The following ADARB2 variants were observed in gnomAD, a reference collection of about 807,000 sequenced individuals.
The protein encoded by ADARB2 is inactive double-stranded RNA-specific editase B2.
Under a neutral mutation model 62.2 loss-of-function variants are expected in ADARB2, and 25 were observed. That is an observed-to-expected ratio of 0.40 (90% CI 0.29 to 0.56). ADARB2 has a LOEUF of 0.56. Among genes scored for constraint, ADARB2 ranks in the 20% least tolerant of loss-of-function variants. ADARB2 has a pLI of 0.43. For missense variants in ADARB2, 1,071 were observed against 1,077.4 expected (o/e 0.99, Z 0.08); for synonymous variants, 572 against 500.8 (o/e 1.14, Z -1.90).
Position 1,693,015 on chromosome 10 carries a change from G to A in ADARB2, c.100+44036C>T, listed in dbSNP as rs79661373. Among the ~76,000 whole-genome samples, 10 of 152,192 alleles carry A rather than the reference G, an allele frequency of 6.6e-5. No homozygotes were observed. The East Asian group carries it at 1.9e-3, about 29-fold the overall frequency. ...CCTCCAGGTGCTAGTCCTGAAGCCT[G>A]GAGTTTTTGGAAGTCTCTTCCCTCT... is the stretch of plus-strand genomic sequence containing the variant. On this transcript the variant is annotated intron_variant, in intron 1 of 9. Transcript: ENST00000381312.
At chr10:1,600,215 T>A (rs1396818236) in intron 1 of ADARB2, among the ~76,000 whole-genome samples, 1 of 152,024 alleles carries the variant, frequency 6.6e-6, no homozygotes, top group Non-Finnish European at 1.5e-5. Flanking sequence ...CAGCCTCAGA[T>A]GGGCCCATTA....
Position 1,277,867 on chromosome 10 carries a change from C to G in ADARB2, c.1078-6798G>C, listed in dbSNP as rs1473552218. ...GCAGAAATCCTCAATAAAATACTGG[C>G]AAACCGAATCCACCAGCACATCAAG... On this transcript the variant is annotated intron_variant, in intron 3 of 9. Transcript: ENST00000381312. Among the ~76,000 whole-genome samples the G allele has an allele frequency of 3.3e-5, 5 of 152,214 alleles. No homozygotes were observed. In the South Asian group the frequency reaches 8.3e-4, roughly 25 times the overall value.
rs566327406 is a variant in ADARB2 at position 1,516,867 on chromosome 10, T to C, written c.101-137707A>G. Among the ~76,000 whole-genome samples, 4 of 152,324 alleles carry C rather than the reference T, an allele frequency of 2.6e-5. No homozygotes were observed. In the East Asian group the frequency reaches 5.8e-4, roughly 22 times the overall value. On this transcript the variant is annotated intron_variant, in intron 1 of 9. Transcript: ENST00000381312. ...CTCAGGCAATGACAGCGCATGGAAGTTGGCTGGGTAGTTTATTCTAGACAC... is the reference window on the plus strand; with the variant it reads ...CTCAGGCAATGACAGCGCATGGAAGCTGGCTGGGTAGTTTATTCTAGACAC...
At position 1,313,152 on chromosome 10, in the gene ADARB2, G is replaced by A. The variant is rs1003279197; in HGVS notation, c.1078-42083C>T. Among the ~76,000 whole-genome samples, 8 of 152,300 alleles carry A rather than the reference G, an allele frequency of 5.3e-5. 1 individual carries two copies. In the South Asian group the frequency reaches 1.2e-3, roughly 24 times the overall value. On this transcript the variant is annotated intron_variant, in intron 3 of 9. Coordinates refer to ENST00000381312, the MANE Select transcript of ADARB2 (RefSeq NM_018702.4). ...CCGTGGAGTGGGGTGGGAGTGCCCAGGTGAGTCCAGGGTCTCAGGGTCTTA... is the reference window on the plus strand; with the variant it reads ...CCGTGGAGTGGGGTGGGAGTGCCCAAGTGAGTCCAGGGTCTCAGGGTCTTA...
intron 1 of ADARB2, among the ~76,000 whole-genome samples, chr10:1,702,412 G>C (rs984132714): frequency 6.6e-6 from 1 of 152,210 alleles, no homozygotes; most frequent in Non-Finnish European, 1.5e-5. Context: ...TGAAGGAAGA[G>C]GGTGAGGGTC....
intron 1 of ADARB2, among the ~76,000 whole-genome samples, chr10:1,682,824 C>G (rs1013215167): frequency 6.6e-6 from 1 of 152,200 alleles, no homozygotes; most frequent in East Asian, 1.9e-4. Context: ...GTATGTAATG[C>G]AGACGGCCAG....
At chr10:1,649,939 G>T (rs1834089283) in intron 1 of ADARB2, among the ~76,000 whole-genome samples, 1 of 152,224 alleles carries the variant, frequency 6.6e-6, no homozygotes, top group Admixed American at 6.5e-5. Context: ...GAGGAGCGAT[G>T]ATTACACAAA....
intron 1 of ADARB2, among the ~76,000 whole-genome samples, chr10:1,706,180 G>A (rs1302305332): frequency 6.6e-6 from 1 of 152,192 alleles, no homozygotes; most frequent in African/African-American, 2.4e-5. Flanking sequence ...AAACGCTAGT[G>A]TTTTCGCTCC....
intron 8 of ADARB2, among the ~76,000 whole-genome samples, chr10:1,191,169 C>T (rs1318321671): frequency 1.3e-5 from 2 of 152,240 alleles, no homozygotes; most frequent in Non-Finnish European, 2.9e-5. Context: ...CAGGTGGCAG[C>T]TCATGGGCTA....
intron 3 of ADARB2, among the ~76,000 whole-genome samples, chr10:1,314,463 C>A (rs1442866039): frequency 2.0e-5 from 3 of 151,978 alleles, no homozygotes; most frequent in Admixed American, 1.3e-4. Flanking sequence ...TCCTCCTCCT[C>A]CTCCTGGTCC....
chr10:1,412,629 A>T lies in ADARB2; in HGVS notation c.101-33469T>A, dbSNP rs1192782640. The stretch of plus-strand genomic sequence containing the variant: ...GGGCCGGACCGCGTTTCAGGTAATC[A>T]ACTCAGGAGCAACTGAAGGCTTCCG... On this transcript the variant is annotated intron_variant, in intron 1 of 9. Transcript: ENST00000381312. Among the ~76,000 whole-genome samples, 14 of 152,118 alleles carry T rather than the reference A, an allele frequency of 9.2e-5. 1 individual carries two copies. The highest frequency in any genetic ancestry group is 9.2e-4 in the Admixed American group (14 of 15,276).
At position 1,382,779 on chromosome 10, in the gene ADARB2, C is replaced by T. The variant is rs187737320; in HGVS notation, c.101-3619G>A. 3.6e-4 allele frequency among the ~76,000 whole-genome samples: 54 copies of T among 151,698 alleles called. No homozygotes were observed. The East Asian group carries it at 7.4e-3, about 21-fold the overall frequency. ...AGAAGCTGCATCACAGGGCTCCCCA[C>T]GCTACCGCCGCCTCCCCACCCTCTG... On this transcript the variant is annotated intron_variant, in intron 1 of 9. Transcript: ENST00000381312.
chr10:1,698,300 GCC>G lies in ADARB2; in HGVS notation c.100+38749_100+38750del, dbSNP rs1341048960. ...TAGCAGGTGCGGGACACGGAACATT[GCC>G]ACCCGTGGAATGAGGAATAGAGCTT... On this transcript the variant is annotated intron_variant, in intron 1 of 9. Transcript: ENST00000381312. 4.6e-5 allele frequency among the ~76,000 whole-genome samples: 7 copies of G among 152,280 alleles called. No individual in the cohort carries two copies. The East Asian group carries it at 1.4e-3, about 29-fold the overall frequency.
In ADARB2 at chr10:1,180,713, C is replaced by G. The variant is rs1836662022; in HGVS notation, c.*2480G>C. On this transcript the variant is annotated 3_prime_UTR_variant, in exon 10 of 10. Transcript: ENST00000381312. The stretch of plus-strand genomic sequence containing the variant: ...TCTGACAGATCCCTCCACGGAAAGG[C>G]TCCGGCACCTCAACCTCACTCTGGC... 1 of 152,474 alleles carries G rather than the reference C, an allele frequency of 6.6e-6. No individual in the cohort carries two copies. The highest frequency in any genetic ancestry group is 6.5e-5 in the Admixed American group (1 of 15,290). The allele number at this position is 152,474 out of a possible 1,614,324, so 9.4% of individuals were successfully genotyped here. A position where few individuals can be genotyped will look rare whatever the true frequency, so the allele number is the denominator to read the frequency against.
intron 3 of ADARB2, among the ~76,000 whole-genome samples, chr10:1,342,150 G>A (rs1348101700): frequency 6.6e-6 from 1 of 152,210 alleles, no homozygotes; most frequent in East Asian, 1.9e-4. Flanking sequence ...CTCAAAGATG[G>A]GCAGTTACAG....
intron 1 of ADARB2, among the ~76,000 whole-genome samples, chr10:1,625,114 A>G (rs543947580): frequency 7.9e-5 from 12 of 152,298 alleles, no homozygotes; most frequent in African/African-American, 2.9e-4. Flanking sequence ...CACCTCCACA[A>G]GTTGTTCAGA....
intron 4 of ADARB2, among the ~76,000 whole-genome samples, chr10:1,258,951 C>T (rs1488130437): frequency 1.3e-5 from 2 of 152,348 alleles, no homozygotes; most frequent in Middle Eastern, 3.4e-3. Context: ...CAAACTGTCT[C>T]TGAGACCACA....
chr10:1,256,622 G>A (rs1564237536), intron 4 of ADARB2, among the ~76,000 whole-genome samples: 1 of 152,188 alleles, frequency 6.6e-6, no homozygotes, highest in Non-Finnish European at 1.5e-5. Flanking sequence ...GATGGGGCCA[G>A]GCGAGCTTAT....
intron 1 of ADARB2, among the ~76,000 whole-genome samples, chr10:1,509,879 G>C (rs1368454641): frequency 6.6e-6 from 1 of 152,138 alleles, no homozygotes; most frequent in African/African-American, 2.4e-5. Flanking sequence ...CATGGGCCTG[G>C]CTATTTTCTT....
Sources: allele counts gnomAD v4.1 joint callset (sites outside exome capture counted in the v4.1 genomes callset), GRCh38; gene constraint gnomAD v4.1.1; transcripts MANE v1.5; gene names NCBI Gene and HGNC (gene_info 2026-07-23, HGNC 2026-07-21).